SAXO1: variants seen among roughly 807,000 people sequenced by gnomAD.
The protein encoded by SAXO1 is 4930500O09Rik.
Under a neutral mutation model 17.5 loss-of-function variants are expected in SAXO1, and 21 were observed. That is an observed-to-expected ratio of 1.20 (90% CI 0.85 to 1.72). The LOEUF is 1.72. Among genes scored for constraint, SAXO1 ranks in the 40% most tolerant of loss-of-function variants. The pLI is 0.00. For synonymous variants in SAXO1, 274 were observed against 216.5 expected (o/e 1.27, Z -2.33); for missense variants, 843 against 596.0 (o/e 1.41, Z -4.32).
At chr9:18,971,009 G>A (rs1334768948) in intron 1 of SAXO1, among the ~76,000 whole-genome samples, 1 of 152,086 alleles carries the variant, frequency 6.6e-6, no homozygotes, top group Non-Finnish European at 1.5e-5. Flanking sequence ...TGCAGGTAAT[G>A]GGGAGGATAA....
Position 18,963,971 on chromosome 9 carries a change from A to T in SAXO1, c.39-13034T>A, listed in dbSNP as rs752343632. ...ATTGAGATATGTTCCATCAATACCT[A>T]CTTTACTGAGAGTTTTTTAATTTTG... On this transcript the variant is annotated intron_variant, in intron 1 of 3. Transcript: ENST00000380534. Among the ~76,000 whole-genome samples, 89 of 151,978 alleles carry T rather than the reference A, an allele frequency of 5.9e-4. 1 individual carries two copies. Among genetic ancestry groups the T allele is most frequent in the Admixed American group, 9.8e-4 (15 of 15,244 alleles).
rs10646825 is a variant in SAXO1, at chr9:19,011,848, G to GTTTTTTTTTT, written c.38+21022_38+21023insAAAAAAAAAA. On this transcript the variant is annotated intron_variant, in intron 1 of 3. Coordinates refer to ENST00000380534, the MANE Select transcript of SAXO1 (RefSeq NM_153707.4). ...TTCAATTTTACCATTATTAAGCATA[G>GTTTTTTTTTT]ATTTTTTTTTTTTTTTGAGATGGAG... Among the ~76,000 whole-genome samples the GTTTTTTTTTT allele has an allele frequency of 5.6e-5, 8 of 143,522 alleles. 1 individual carries two copies. Among genetic ancestry groups the GTTTTTTTTTT allele is most frequent in the South Asian group, 2.2e-4 (1 of 4,642 alleles). 94.2% of individuals were successfully genotyped at this position (143,522 alleles called of 152,430 possible). A position where few individuals can be genotyped will look rare whatever the true frequency, so the allele number is the denominator to read the frequency against.
At position 18,950,881 on chromosome 9, in the gene SAXO1, C is replaced by G. The variant is rs780656968; in HGVS notation, c.95G>C (p.Cys32Ser). The G allele has an allele frequency of 6.2e-7, 1 of 1,613,254 alleles. No individual in the cohort carries two copies. The highest frequency in any genetic ancestry group is 8.5e-7 in the Non-Finnish European group (1 of 1,179,632). Residue 32 changes from cysteine (C) to serine (S), a missense_variant, in exon 2 of 4, where the codon TGT (cysteine) becomes TCT (serine). Coordinates refer to ENST00000380534, the MANE Select transcript of SAXO1 (RefSeq NM_153707.4). ...TKIYDKTEKPCLLSEYTENYP... is the reference protein window; with the variant it reads ...TKIYDKTEKPSLLSEYTENYP... ...GTTCTCGGTATATTCGGAGAGAAGA[C>G]ATGGTTTCTCTGTTTTATCATAAAT...
At chr9:18,993,338 G>A (rs1051161599) in intron 1 of SAXO1, among the ~76,000 whole-genome samples, 5 of 142,836 alleles carry the variant, frequency 3.5e-5, no homozygotes, top group African/African-American at 1.3e-4. Flanking sequence ...TTCTCATTAA[G>A]AACATATTAA....
At chr9:18,947,826 A>T (rs1831859966) in intron 2 of SAXO1, 1 of 152,182 alleles carries the variant, frequency 6.6e-6, no homozygotes, top group African/African-American at 2.4e-5. Flanking sequence ...AATCCCCAAG[A>T]TTTATGGTCA....
At chr9:18,971,704 T>C (rs1832949095) in intron 1 of SAXO1, among the ~76,000 whole-genome samples, 1 of 152,218 alleles carries the variant, frequency 6.6e-6, no homozygotes, top group Non-Finnish European at 1.5e-5. Flanking sequence ...TAATTCAATA[T>C]GTCAAAGTTG....
chr9:19,029,714 C>G (rs530368243), intron 1 of SAXO1, among the ~76,000 whole-genome samples: 1 of 152,144 alleles, frequency 6.6e-6, no homozygotes, highest in Non-Finnish European at 1.5e-5. Flanking sequence ...TGACTATACT[C>G]GAGTAGCTAC....
At chr9:19,000,046 A>G (rs866004416) in intron 1 of SAXO1, among the ~76,000 whole-genome samples, 43 of 95,202 alleles carry the variant, frequency 4.5e-4, no homozygotes, top group South Asian at 1.3e-3. Context: ...GCCTCTGCCC[A>G]GCCGCCACAA....
At chr9:18,942,657 C>T (rs1209010829) in intron 2 of SAXO1, among the ~76,000 whole-genome samples, 1 of 152,118 alleles carries the variant, frequency 6.6e-6, no homozygotes, top group Non-Finnish European at 1.5e-5. Flanking sequence ...ACAATAGGAT[C>T]GAAAAAGTAT....
chr9:18,936,699 ATG>A (rs1831308111), intron 3 of SAXO1, among the ~76,000 whole-genome samples: 2 of 152,220 alleles, frequency 1.3e-5, no homozygotes, highest in African/African-American at 4.8e-5. Context: ...CCAGAGTGTC[ATG>A]TGGGTAATTG....
rs144439168 is a variant in SAXO1 at position 18,967,913 on chromosome 9, G to A, written c.39-16976C>T. On this transcript the variant is annotated intron_variant, in intron 1 of 3. Coordinates refer to ENST00000380534, the MANE Select transcript of SAXO1 (RefSeq NM_153707.4). ...GGGAATCTCCTGGTCTGCAGGTTGG[G>A]AAGACCGTTGGAAAAGTGTAGTATC... 1.0e-3 allele frequency among the ~76,000 whole-genome samples: 159 copies of A among 152,348 alleles called. 1 individual carries two copies. The East Asian group carries it at 0.016, about 16-fold the overall frequency.
At chr9:19,000,409 C>A (rs114788558) in intron 1 of SAXO1, among the ~76,000 whole-genome samples, 15 of 147,138 alleles carry the variant, frequency 1.0e-4, no homozygotes, top group Non-Finnish European at 2.3e-4. Flanking sequence ...TCCACCTGGC[C>A]GCCCACAGTC....
rs571735358 is a variant in SAXO1, at chr9:19,008,901, G to A, written c.38+23970C>T. The stretch of plus-strand genomic sequence containing the variant: ...AGCATGCATGCAACTTAGCAACTCA[G>A]CGAGGGGAAAGCTGATCACAGCACC... On this transcript the variant is annotated intron_variant, in intron 1 of 3. Transcript: ENST00000380534. Among the ~76,000 whole-genome samples, 6 of 152,316 alleles carry A rather than the reference G, an allele frequency of 3.9e-5. No homozygotes were observed. In the South Asian group the frequency reaches 1.2e-3, roughly 32 times the overall value.
At chr9:18,961,781 A>G in intron 1 of SAXO1, among the ~76,000 whole-genome samples, 1 of 152,162 alleles carries the variant, frequency 6.6e-6, no homozygotes, top group Non-Finnish European at 1.5e-5. Context: ...TATTGTGAAT[A>G]GTGCTTCAAT....
At chr9:18,977,440 C>T (rs943852039) in intron 1 of SAXO1, among the ~76,000 whole-genome samples, 5 of 152,122 alleles carry the variant, frequency 3.3e-5, no homozygotes, top group African/African-American at 1.2e-4. Flanking sequence ...CGCTATTATT[C>T]TCATCTACAT....
At chr9:19,023,316 T>G (rs1001287221) in intron 1 of SAXO1, among the ~76,000 whole-genome samples, 1 of 152,164 alleles carries the variant, frequency 6.6e-6, no homozygotes, top group African/African-American at 2.4e-5. Context: ...CATTCTTCAT[T>G]GCCTAGAACA....
chr9:18,990,716 C>T (rs1446867447), intron 1 of SAXO1, among the ~76,000 whole-genome samples: 1 of 152,174 alleles, frequency 6.6e-6, no homozygotes, highest in Non-Finnish European at 1.5e-5. Flanking sequence ...CACATTACCA[C>T]CTGAGCTCTG....
chr9:18,991,862 C>T (rs1192786507), intron 1 of SAXO1, among the ~76,000 whole-genome samples: 3 of 152,184 alleles, frequency 2.0e-5, no homozygotes, highest in African/African-American at 4.8e-5. Flanking sequence ...AGGACTGCTG[C>T]TTTACACTAA....
chr9:18,989,859 C>A lies in SAXO1; in HGVS notation c.39-38922G>T, dbSNP rs181309659. The stretch of plus-strand genomic sequence containing the variant: ...AACTTCAACATCATGAGTGAAGTGG[C>A]CAACATTTCAGCCATTGCTCTTACA... On this transcript the variant is annotated intron_variant, in intron 1 of 3. Coordinates refer to ENST00000380534, the MANE Select transcript of SAXO1 (RefSeq NM_153707.4). Among the ~76,000 whole-genome samples the A allele has an allele frequency of 1.1e-4, 16 of 152,250 alleles. No individual in the cohort carries two copies. The East Asian group carries it at 2.9e-3, about 28-fold the overall frequency.
Sources: gnomAD v4.1 joint callset for allele counts (sites outside exome capture counted in the v4.1 genomes callset) on GRCh38, gnomAD v4.1.1 for gene constraint, MANE v1.5 for transcripts, NCBI Gene and HGNC (gene_info 2026-07-23, HGNC 2026-07-21) for gene names.